The following PCDH15 variants were observed in gnomAD, a reference collection of about 807,000 sequenced individuals.
PCDH15 encodes the protein protocadherin related 15.
PCDH15 carries 129 observed loss-of-function variants against 178.5 expected under a neutral mutation model. The observed-to-expected ratio is 0.72, with a 90% confidence interval of 0.63 to 0.84. The LOEUF is 0.84. Ranked by LOEUF, PCDH15 falls within the 40% of genes least tolerant of loss-of-function variation. The pLI is 0.00. For missense variants in PCDH15, 2,230 were observed against 2,099.9 expected, an observed-to-expected ratio of 1.06 and a Z score of -1.21; for synonymous variants, 800 against 732.0, an observed-to-expected ratio of 1.09 and a Z score of -1.50.
chr10:54,050,495 C>A (rs529449705), intron 18 of PCDH15, among the ~76,000 whole-genome samples: 1 of 152,100 alleles, frequency 6.6e-6, no homozygotes, highest in Non-Finnish European at 1.5e-5. Context: ...TCTTGTTCAT[C>A]TTTTCGAAGA....
intron 1 of PCDH15, among the ~76,000 whole-genome samples, chr10:54,798,583 GAAAAATAC>G (rs1952304871): frequency 6.6e-6 from 1 of 151,900 alleles, no homozygotes; most frequent in Non-Finnish European, 1.5e-5. Flanking sequence ...TTAAAAAATG[GAAAAATAC>G]AAACAAAATG....
chr10:54,380,923 T>C (rs1468430893), intron 3 of PCDH15, among the ~76,000 whole-genome samples: 2 of 151,374 alleles, frequency 1.3e-5, no homozygotes, highest in Admixed American at 1.3e-4. Flanking sequence ...GGAAAAGATC[T>C]ATAGTTTTCT....
intron 29 of PCDH15, among the ~76,000 whole-genome samples, chr10:53,839,202 CA>C (rs758823713): frequency 0.011 from 856 of 74,524 alleles, 1 homozygote; most frequent in African/African-American, 0.032. Context: ...GTCTCCGTCT[CA>C]AAAAAAAAAA....
chr10:53,871,727 T>C (rs1488340434), intron 26 of PCDH15, among the ~76,000 whole-genome samples: 2 of 123,542 alleles, frequency 1.6e-5, no homozygotes, highest in African/African-American at 3.5e-5. Context: ...CAGTTCTTGT[T>C]TTGTTTTGTT....
At chr10:54,148,149 A>G (rs1035913177) in intron 14 of PCDH15, among the ~76,000 whole-genome samples, 3 of 152,070 alleles carry the variant, frequency 2.0e-5, no homozygotes, top group Non-Finnish European at 4.4e-5. Flanking sequence ...CTATTATTTA[A>G]AACGCACTCA....
Position 54,616,987 on chromosome 10 carries a change from A to G in PCDH15, c.91+47185T>C, listed in dbSNP as rs112963030. Among the ~76,000 whole-genome samples the G allele has an allele frequency of 7.3e-3, 1,106 of 151,812 alleles. 10 individuals carry two copies. Among genetic ancestry groups the G allele is most frequent in the African/African-American group, 0.025 (1,038 of 41,200 alleles). On this transcript the variant is annotated intron_variant, in intron 2 of 37. Coordinates refer to ENST00000644397, the MANE Select transcript of PCDH15 (RefSeq NM_001384140.1). ...GTTCATAAGTGATATGTCATTAAGG[A>G]TCACTGTTGTTTATCATGAATTTCA...
intron 1 of PCDH15, among the ~76,000 whole-genome samples, chr10:55,176,206 G>A (rs1286089303): frequency 6.6e-6 from 1 of 152,052 alleles, no homozygotes; most frequent in Non-Finnish European, 1.5e-5. Flanking sequence ...CCCTCAGTAC[G>A]ACCATGAGGG....
intron 2 of PCDH15, among the ~76,000 whole-genome samples, chr10:55,342,365 G>A (rs1844626172): frequency 6.6e-6 from 1 of 151,898 alleles, no homozygotes; most frequent in Non-Finnish European, 1.5e-5. Flanking sequence ...TGTTTTATCT[G>A]TCTTTTCTAA....
intron 2 of PCDH15, among the ~76,000 whole-genome samples, chr10:55,500,167 G>A (rs1461383426): frequency 2.0e-5 from 3 of 151,580 alleles, no homozygotes; most frequent in Non-Finnish European, 4.4e-5. Context: ...GCAGAATTCT[G>A]GTAAATGACT....
chr10:54,723,722 G>T (rs2152569), intron 1 of PCDH15, among the ~76,000 whole-genome samples: 20,077 of 151,406 alleles, frequency 0.13, 1,414 homozygotes, highest in East Asian at 0.25. Context: ...TTCCACTGAA[G>T]AGTGGGCAAA....
rs1432087925 is a variant in PCDH15 at position 55,399,664 on chromosome 10, T to C, written c.-156+227961A>G. Reference sequence around the variant, plus strand: ...GATTTAGTGGAATCAAGAAAATGGATTGAGGCTGTCTGAAGAAGGTCTGAT... The same window carrying C: ...GATTTAGTGGAATCAAGAAAATGGACTGAGGCTGTCTGAAGAAGGTCTGAT... On this transcript the variant is annotated intron_variant, in intron 2 of 5. Coordinates refer to the PCDH15 transcript ENST00000613346. Among the ~76,000 whole-genome samples the C allele has an allele frequency of 2.6e-5, 4 of 152,206 alleles. No individual in the cohort carries two copies. The South Asian group carries it at 8.3e-4, about 32-fold the overall frequency.
intron 2 of PCDH15, among the ~76,000 whole-genome samples, chr10:54,994,204 T>C (rs750333909): frequency 6.6e-5 from 10 of 152,324 alleles, no homozygotes; most frequent in Non-Finnish European, 1.5e-4. Context: ...ACCTTAATCT[T>C]TGTCATTCCT....
chr10:54,826,793 G>A (rs1264563597), intron 3 of PCDH15, among the ~76,000 whole-genome samples: 3 of 151,828 alleles, frequency 2.0e-5, no homozygotes, highest in Non-Finnish European at 4.4e-5. Flanking sequence ...TACCAAAGAT[G>A]GGCTAATATA....
chr10:54,973,242 A>C (rs529021611), intron 2 of PCDH15, among the ~76,000 whole-genome samples: 102 of 152,326 alleles, frequency 6.7e-4, no homozygotes, highest in African/African-American at 2.2e-3. Context: ...GTTGCTATGC[A>C]AAAGGCTGTG....
chr10:54,357,378 T>C (rs374292858), intron 5 of PCDH15, among the ~76,000 whole-genome samples: 7 of 152,032 alleles, frequency 4.6e-5, no homozygotes, highest in South Asian at 2.1e-4. Context: ...AACAGACAAA[T>C]AGAGAGCCAA....
At chr10:53,871,399 TAAA>T (rs1298323647) in intron 26 of PCDH15, among the ~76,000 whole-genome samples, 1 of 151,632 alleles carries the variant, frequency 6.6e-6, no homozygotes, top group Non-Finnish European at 1.5e-5. Context: ...ATTCATAAGA[TAAA>T]AATAAGGATG....
At chr10:55,475,410 A>G (rs1459470615) in intron 2 of PCDH15, among the ~76,000 whole-genome samples, 1 of 152,150 alleles carries the variant, frequency 6.6e-6, no homozygotes, top group Non-Finnish European at 1.5e-5. Context: ...AAGATGCCCA[A>G]TTATTAAGGT....
chr10:54,201,545 T>C (rs2050229982), intron 10 of PCDH15, among the ~76,000 whole-genome samples: 1 of 152,116 alleles, frequency 6.6e-6, no homozygotes, highest in African/African-American at 2.4e-5. Flanking sequence ...TTAAATTCCA[T>C]GAGCATAAAC....
intron 1 of PCDH15, among the ~76,000 whole-genome samples, chr10:55,170,612 A>T (rs146135390): frequency 6.6e-6 from 1 of 152,170 alleles, no homozygotes; most frequent in Admixed American, 6.5e-5. Context: ...GGCCGAGTGC[A>T]GTGGCTTACA....
Sources: gnomAD v4.1 joint callset for allele counts (sites outside exome capture counted in the v4.1 genomes callset) on GRCh38, gnomAD v4.1.1 for gene constraint, MANE v1.5 for transcripts, NCBI Gene and HGNC (gene_info 2026-07-23, HGNC 2026-07-21) for gene names.